Variants in MIPOL1 observed in about 807,000 individuals in gnomAD.
MIPOL1 encodes mirror-image polydactyly 1.
A neutral mutation model predicts 60.9 loss-of-function variants in MIPOL1; 57 were observed. The ratio of observed to expected loss-of-function variants is 0.94; its 90% CI spans 0.76 to 1.17. MIPOL1 has a LOEUF of 1.17. MIPOL1 is among the 50% of genes most tolerant of loss of function. The pLI is 0.00. For synonymous variants in MIPOL1, 179 were observed against 168.8 expected (o/e 1.06, Z -0.47); for missense variants, 551 against 511.6 (o/e 1.08, Z -0.74).
At position 37,547,035 on chromosome 14, in the gene MIPOL1, C is replaced by A; in HGVS notation, c.*64C>A. 1 of 1,376,538 alleles carries A rather than the reference C, an allele frequency of 7.3e-7. No homozygotes were observed. Among genetic ancestry groups the A allele is most frequent in the Non-Finnish European group, 1.0e-6 (1 of 967,406 alleles). The allele number at this position is 1,376,538 out of a possible 1,614,324, so 85.3% of individuals were successfully genotyped here. Reference sequence around the variant, plus strand: ...GGTGACCAGGCTGCTTCATTCAACACTGTGTAAACACCAAAGCCTTAACTT... The same window carrying A: ...GGTGACCAGGCTGCTTCATTCAACAATGTGTAAACACCAAAGCCTTAACTT... On this transcript the variant is annotated 3_prime_UTR_variant, in exon 13 of 13. Coordinates refer to ENST00000684589, the MANE Select transcript of MIPOL1 (RefSeq NM_001388067.1).
intron 10 of MIPOL1, among the ~76,000 whole-genome samples, chr14:37,421,310 A>T (rs924141394): frequency 7.9e-5 from 12 of 152,136 alleles, no homozygotes; most frequent in African/African-American, 2.9e-4. Context: ...GCACTGGCAC[A>T]TATTTATTTA....
At chr14:37,350,676 T>C (rs1327309356) in intron 9 of MIPOL1, among the ~76,000 whole-genome samples, 1 of 152,160 alleles carries the variant, frequency 6.6e-6, no homozygotes, top group African/African-American at 2.4e-5. Flanking sequence ...TTATTCATTC[T>C]TCCTAACTCT....
chr14:37,515,308 T>C (rs1299623367), intron 12 of MIPOL1, among the ~76,000 whole-genome samples: 2 of 151,272 alleles, frequency 1.3e-5, no homozygotes, highest in East Asian at 3.9e-4. Context: ...AAAAAAAAGC[T>C]ATACTATTGT....
Position 37,361,305 on chromosome 14 carries a change from G to A in MIPOL1, c.829-8212G>A, listed in dbSNP as rs992520503. ...AGAATATGTATTCTGTTGATTTGGG[G>A]TGAAGAGTTCTGTAGATGTCTATTA... On this transcript the variant is annotated intron_variant, in intron 9 of 12. Coordinates refer to ENST00000684589, the MANE Select transcript of MIPOL1 (RefSeq NM_001388067.1). Among the ~76,000 whole-genome samples, 6 of 152,160 alleles carry A rather than the reference G, an allele frequency of 3.9e-5. 1 individual carries two copies. Among genetic ancestry groups the A allele is most frequent in the Non-Finnish European group, 5.9e-5 (4 of 68,030 alleles).
At chr14:37,335,957 A>T (rs2090074981) in intron 9 of MIPOL1, among the ~76,000 whole-genome samples, 1 of 152,084 alleles carries the variant, frequency 6.6e-6, no homozygotes. Flanking sequence ...TATCATATTC[A>T]AGAAATGATT....
At chr14:37,322,176 G>T (rs1347733037) in intron 9 of MIPOL1, among the ~76,000 whole-genome samples, 1 of 151,842 alleles carries the variant, frequency 6.6e-6, no homozygotes, top group African/African-American at 2.4e-5. Context: ...CTGTATTATT[G>T]CAGTTATTTT....
At chr14:37,293,305 C>G (rs1033884796) in intron 7 of MIPOL1, among the ~76,000 whole-genome samples, 3 of 152,096 alleles carry the variant, frequency 2.0e-5, no homozygotes, top group African/African-American at 7.2e-5. Flanking sequence ...TGCACCCCCT[C>G]CCTATTTTAA....
intron 1 of MIPOL1, among the ~76,000 whole-genome samples, chr14:37,227,017 G>A (rs1197653117): frequency 6.6e-6 from 1 of 152,080 alleles, no homozygotes; most frequent in Non-Finnish European, 1.5e-5. Context: ...GAATATATGA[G>A]GTGCTGTGAG....
At chr14:37,428,721 C>G (rs1368227189) in intron 11 of MIPOL1, among the ~76,000 whole-genome samples, 3 of 144,692 alleles carry the variant, frequency 2.1e-5, no homozygotes, top group Non-Finnish European at 4.5e-5. Flanking sequence ...ACATTCCATT[C>G]CCTTGTATGG....
intron 11 of MIPOL1, among the ~76,000 whole-genome samples, chr14:37,454,796 C>T (rs150808758): frequency 1.3e-5 from 2 of 152,088 alleles, no homozygotes; most frequent in East Asian, 1.9e-4. Context: ...TTACTTCTCT[C>T]GTTTTTCTCT....
chr14:37,551,531 AGTGAATAT>A (rs1255809385), downstream of MIPOL1: 1 of 152,078 alleles, frequency 6.6e-6, no homozygotes, highest in Non-Finnish European at 1.5e-5. Flanking sequence ...TATCATTTTT[AGTGAATAT>A]GGTTAGAAAG....
At chr14:37,364,817 A>G (rs2092415470) in intron 9 of MIPOL1, among the ~76,000 whole-genome samples, 1 of 152,156 alleles carries the variant, frequency 6.6e-6, no homozygotes, top group Non-Finnish European at 1.5e-5. Context: ...TTTGGGTAGC[A>G]CCTACATTTT....
chr14:37,470,165 C>A (rs1426969665), intron 11 of MIPOL1, among the ~76,000 whole-genome samples: 1 of 152,120 alleles, frequency 6.6e-6, no homozygotes, highest in African/African-American at 2.4e-5. Flanking sequence ...CAATTTTAGA[C>A]ATTGAATTAA....
chr14:37,238,944 C>A (rs1278923435), intron 1 of MIPOL1, among the ~76,000 whole-genome samples: 4 of 151,232 alleles, frequency 2.6e-5, no homozygotes, highest in Non-Finnish European at 4.4e-5. Context: ...CAGAATGAGA[C>A]CCAGTCTCAA....
At chr14:37,416,473 G>T (rs2093771384) in intron 10 of MIPOL1, among the ~76,000 whole-genome samples, 1 of 152,042 alleles carries the variant, frequency 6.6e-6, no homozygotes, top group Admixed American at 6.5e-5. Context: ...TTGCTCCTAG[G>T]CTACAAACCT....
At chr14:37,234,893 A>G (rs556857700) in intron 1 of MIPOL1, among the ~76,000 whole-genome samples, 1 of 150,594 alleles carries the variant, frequency 6.6e-6, no homozygotes, top group South Asian at 2.1e-4. Context: ...CTCCTGCCTC[A>G]GCCTCCCGAG....
intron 9 of MIPOL1, among the ~76,000 whole-genome samples, chr14:37,343,713 A>G (rs546199754): frequency 2.0e-5 from 3 of 152,308 alleles, no homozygotes; most frequent in Admixed American, 6.5e-5. Flanking sequence ...ATAGAACAGA[A>G]TCATTACGAT....
intron 9 of MIPOL1, among the ~76,000 whole-genome samples, chr14:37,365,728 TGTTTGGAAGTC>T (rs2092449641): frequency 6.6e-6 from 1 of 152,096 alleles, no homozygotes; most frequent in Non-Finnish European, 1.5e-5. Context: ...TTGTAGAATG[TGTTTGGAAGTC>T]TTCCCTCTTC....
intron 11 of MIPOL1, among the ~76,000 whole-genome samples, chr14:37,440,645 A>G (rs769048826): frequency 3.1e-4 from 47 of 152,204 alleles, no homozygotes; most frequent in Admixed American, 2.4e-3. Context: ...TATTGTGTAT[A>G]TATGCCCTAT....
Sources: gnomAD v4.1 joint callset for allele counts (sites outside exome capture counted in the v4.1 genomes callset) on GRCh38, gnomAD v4.1.1 for gene constraint, MANE v1.5 for transcripts, NCBI Gene and HGNC (gene_info 2026-07-23, HGNC 2026-07-21) for gene names.